The following MPND variants were observed in gnomAD, a reference collection of about 807,000 sequenced individuals.
MPND encodes MPN domain containing.
A neutral mutation model predicts 59.2 loss-of-function variants in MPND; 56 were observed. The ratio of observed to expected loss-of-function variants is 0.95; its 90% CI spans 0.76 to 1.18. The LOEUF (loss-of-function observed/expected upper bound fraction) is 1.18, where lower values mean the gene tolerates loss of function less well. MPND is among the 50% of genes most tolerant of loss of function. The pLI is 0.00. For missense variants in MPND, 671 were observed against 676.0 expected, an observed-to-expected ratio of 0.99 and a Z score of 0.08; for synonymous variants, 323 against 291.9, an observed-to-expected ratio of 1.11 and a Z score of -1.09.
rs1972386235 is a variant in MPND, at chr19:4,354,341, T to C, written c.767T>C (p.Val256Ala). The change falls in exon 6 of 13, where the codon GTG becomes GCG. Residue 256 changes from valine to alanine, a missense_variant. Coordinates refer to ENST00000599840, the MANE Select transcript of MPND (RefSeq NM_001300862.2). ...CCCTACAGGAACCCCCACACCCTGG[T>C]GGAAGTAACATCCTTTGCAGCCATC... is the stretch of plus-strand genomic sequence containing the variant. ...RDLARNPHTL[V>A]EVTSFAAINK... 1 of 1,559,516 alleles carries C rather than the reference T, an allele frequency of 6.4e-7. No homozygotes were observed. The highest frequency in any genetic ancestry group is 8.7e-7 in the Non-Finnish European group (1 of 1,150,598).
chr19:4,345,174 G>C (rs1405213060), intron 2 of MPND, among the ~76,000 whole-genome samples: 1 of 149,408 alleles, frequency 6.7e-6, no homozygotes, highest in African/African-American at 2.5e-5. Context: ...AGCCTCTTGA[G>C]TAGCTGGGAT....
In MPND at chr19:4,357,816, C is replaced by T. The variant is rs796618631; in HGVS notation, c.1236+231C>T. On this transcript the variant is annotated intron_variant, in intron 10 of 12. Transcript: ENST00000599840. ...AGTACAAAGAGGGCTCCCTTCCTGA[C>T]CCTGCCTGGCTTCATTCCCCAATCC... 13 of 609,318 alleles carry T rather than the reference C, an allele frequency of 2.1e-5. No individual in the cohort carries two copies. In the African/African-American group the frequency reaches 2.4e-4, roughly 11 times the overall value. 37.7% of individuals were successfully genotyped at this position (609,318 alleles called of 1,614,324 possible). A position where few individuals can be genotyped will look rare whatever the true frequency, so the allele number is the denominator to read the frequency against.
chr19:4,355,143 C>T lies in MPND; in HGVS notation c.966C>T (p.Asp322=), dbSNP rs770061864. The part of the protein sequence containing the change: ...RAFPCRSRLG[D]AETAAAIEEE... ...TCCCTTGTCGGAGCCGGCTCGGGGA[C>T]GCAGAGACTGCAGCTGCCATCGAAG... Residue 322 remains aspartate (D), a synonymous_variant, in exon 8 of 13, where the codon GAC becomes GAT. Transcript: ENST00000599840. 46 of 1,613,266 alleles carry T rather than the reference C, an allele frequency of 2.9e-5. No homozygotes were observed. The highest frequency in any genetic ancestry group is 1.8e-4 in the Middle Eastern group (1 of 5,576).
intron 12 of MPND, 92 bp from the exon 13 acceptor site, chr19:4,359,824 A>T: frequency 9.9e-7 from 1 of 1,013,658 alleles, no homozygotes; most frequent in African/African-American, 1.6e-5. Flanking sequence ...AGGGGGGCTC[A>T]GTCAGGATGC....
In MPND at chr19:4,353,005, A is replaced by G; in HGVS notation, c.640A>G (p.Ser214Gly). ...CAAGAGTCGGAGACCACTGGGGAAG[A>G]GCCCTTCAGAGCCTGCCCACCCGGG... The part of the protein sequence containing the change: ...EDKSRRPLGK[S>G]PSEPAHPEAT... The change falls in exon 4 of 13, where the codon AGC becomes GGC. Residue 214 changes from serine to glycine, a missense_variant. Ser to Gly is a moderately conservative substitution (Grantham distance 56, BLOSUM62 0). Transcript: ENST00000599840. 8 of 1,352,088 alleles carry G rather than the reference A, an allele frequency of 5.9e-6. No individual in the cohort carries two copies. The highest frequency in any genetic ancestry group is 7.7e-6 in the Non-Finnish European group (8 of 1,040,964). The allele number at this position is 1,352,088 out of a possible 1,614,324, so 83.8% of individuals were successfully genotyped here.
At chr19:4,353,871 C>T (rs1599574107) in intron 4 of MPND, 174 bp from the exon 5 acceptor site, 1 of 576,194 alleles carries the variant, frequency 1.7e-6, no homozygotes, top group South Asian at 2.3e-5. Context: ...CTCTGTAACT[C>T]AGGCTGGAGT....
chr19:4,358,388 C>G, intron 11 of MPND: 1 of 574,952 alleles, frequency 1.7e-6, no homozygotes, highest in East Asian at 2.9e-5. Context: ...CTGCTGTTCT[C>G]TAAGGCACTG....
intron 10 of MPND, 140 bp from the exon 11 acceptor site, chr19:4,357,940 CCCA>C: frequency 3.0e-6 from 2 of 674,054 alleles, no homozygotes; most frequent in Non-Finnish European, 5.2e-6. Context: ...CCTCCCTGGT[CCCA>C]CCACCAGGTG....
intron 11 of MPND, chr19:4,358,410 C>T (rs907104366): frequency 1.1e-5 from 6 of 542,142 alleles, no homozygotes; most frequent in African/African-American, 9.5e-5. Flanking sequence ...CCTCTTCTGC[C>T]AGGCTGTCCA....
intron 12 of MPND, among the ~76,000 whole-genome samples, chr19:4,359,543 A>C (rs1972531375): frequency 6.6e-6 from 1 of 152,066 alleles, no homozygotes; most frequent in South Asian, 2.1e-4. Context: ...TGAGTGTCTT[A>C]GGGTAGTGGT....
chr19:4,346,789 G>T (rs1292683747), intron 3 of MPND, among the ~76,000 whole-genome samples: 2 of 150,348 alleles, frequency 1.3e-5, no homozygotes, highest in South Asian at 4.4e-4. Flanking sequence ...CCAGCATTTT[G>T]GGAGGCTGAA....
chr19:4,359,971 A>G lies in MPND; in HGVS notation c.1475A>G (p.Gln492Arg), dbSNP rs750970715. 3.8e-6 allele frequency: 6 copies of G among 1,571,948 alleles called. No individual in the cohort carries two copies. The highest frequency in any genetic ancestry group is 4.3e-6 in the Non-Finnish European group (5 of 1,158,286). The change falls in exon 13 of 13, where the codon CAG (glutamine) becomes CGG (arginine). Residue 492 changes from glutamine (Q) to arginine (R), a missense_variant. Gln to Arg is a conservative substitution (Grantham distance 43). Transcript: ENST00000599840. ...KDQSLCHVLE[Q>R]VCGVLKQGS is the part of the protein sequence containing the mutation. ...CAGAGCCTGTGTCACGTCCTGGAAC[A>G]GGTGTGCGGCGTCCTCAAGCAGGGG...
intron 4 of MPND, 125 bp downstream of exon 4, chr19:4,353,154 C>T: frequency 1.3e-6 from 1 of 760,706 alleles, no homozygotes; most frequent in Non-Finnish European, 1.8e-6. Context: ...GGAGAGTCAG[C>T]TGGGCCCTAA....
intron 5 of MPND, 40 bp downstream of exon 5, chr19:4,354,169 C>G: frequency 1.9e-6 from 3 of 1,589,200 alleles, no homozygotes; most frequent in Non-Finnish European, 2.6e-6. Context: ...CCCAGCTCAC[C>G]TGGATCTCTT....
intron 10 of MPND, 97 bp downstream of exon 10, chr19:4,357,682 GAGTTGGGGCCCC>G: frequency 1.6e-6 from 2 of 1,274,848 alleles, no homozygotes; most frequent in South Asian, 2.9e-5. Flanking sequence ...CTCCACTGGA[GAGTTGGGGCCCC>G]AGTTTCTCCA....
At chr19:4,358,383 G>A (rs188373339) in intron 11 of MPND, 1 of 580,108 alleles carries the variant, frequency 1.7e-6, no homozygotes, top group Non-Finnish European at 3.1e-6. Flanking sequence ...CCCACCTGCT[G>A]TTCTCTAAGG....
Position 4,359,977 on chromosome 19 carries a change from G to C in MPND, c.1481G>C (p.Cys494Ser). The change falls in exon 13 of 13, where the codon TGC becomes TCC. Residue 494 changes from cysteine to serine, a missense_variant. Physicochemically the swap from Cys to Ser is moderately radical, Grantham distance 112. Transcript: ENST00000599840. The part of the protein sequence containing the change: ...QSLCHVLEQV[C>S]GVLKQGS ...CTGTGTCACGTCCTGGAACAGGTGT[G>C]CGGCGTCCTCAAGCAGGGGAGCTGA... 6.4e-7 allele frequency: 1 copy of C among 1,569,540 alleles called. No individual in the cohort carries two copies.
At chr19:4,343,680 C>G (rs923890126) in intron 1 of MPND, 28 bp from the exon 2 acceptor site, 13 of 1,017,746 alleles carry the variant, frequency 1.3e-5, no homozygotes, top group Non-Finnish European at 1.6e-5. Flanking sequence ...GGGCGAGCGG[C>G]CTCCCTGCAG....
intron 3 of MPND, chr19:4,347,638 C>T (rs560618230): frequency 2.7e-5 from 7 of 261,834 alleles, no homozygotes; most frequent in Non-Finnish European, 5.3e-5. Flanking sequence ...CAAATGGTTA[C>T]GTTATACAAG....
Sources: allele counts gnomAD v4.1 joint callset (sites outside exome capture counted in the v4.1 genomes callset), GRCh38; gene constraint gnomAD v4.1.1; transcripts MANE v1.5; gene names NCBI Gene and HGNC (gene_info 2026-07-23, HGNC 2026-07-21).